The following LARGE1 variants were observed in gnomAD, a reference collection of about 807,000 sequenced individuals.
The protein encoded by LARGE1 is xylosyl- and glucuronyltransferase LARGE1.
LARGE1 carries 43 observed loss-of-function variants against 87.6 expected under a neutral mutation model. The observed-to-expected ratio is 0.49, with a 90% CI of 0.38 to 0.63. The LOEUF (loss-of-function observed/expected upper bound fraction) is 0.63, where lower values mean the gene tolerates loss of function less well. Among genes scored for constraint, LARGE1 ranks in the 30% least tolerant of loss-of-function variants. LARGE1 has a pLI of 0.00. For missense variants in LARGE1, 802 were observed against 1,000.2 expected, an observed-to-expected ratio of 0.80 and a Z score of 2.67; for synonymous variants, 434 against 394.6, an observed-to-expected ratio of 1.10 and a Z score of -1.18.
At position 33,590,666 on chromosome 22, in the gene LARGE1, C is replaced by T. The variant is rs2078810310; in HGVS notation, c.615+13769G>A. On this transcript the variant is annotated intron_variant, in intron 5 of 14. Coordinates refer to ENST00000397394, the MANE Select transcript of LARGE1 (RefSeq NM_133642.5). Reference sequence around the variant, plus strand: ...GCAGTCTTTCGGTCTGGCTTTCTTTCACTTAACATCAAACCTTCTCACTGG... The same window carrying T: ...GCAGTCTTTCGGTCTGGCTTTCTTTTACTTAACATCAAACCTTCTCACTGG... 2.6e-5 allele frequency among the ~76,000 whole-genome samples: 4 copies of T among 152,170 alleles called. 1 individual carries two copies. The highest frequency in any genetic ancestry group is 1.3e-4 in the Admixed American group (2 of 15,286).
intron 1 of LARGE1, among the ~76,000 whole-genome samples, chr22:33,844,649 G>A (rs73406626): frequency 0.044 from 6,693 of 151,988 alleles, 493 homozygotes; most frequent in African/African-American, 0.15. Flanking sequence ...CCTACCGTGC[G>A]AACTTGGGTA....
chr22:33,303,264 CAGA>C (rs1301778724), intron 12 of LARGE1, among the ~76,000 whole-genome samples: 1 of 152,222 alleles, frequency 6.6e-6, no homozygotes, highest in African/African-American at 2.4e-5. Flanking sequence ...TGGAGATTCA[CAGA>C]AGCAGTTGTC....
intron 1 of LARGE1, among the ~76,000 whole-genome samples, chr22:33,827,499 T>C (rs188425524): frequency 8.5e-5 from 13 of 152,166 alleles, no homozygotes; most frequent in African/African-American, 2.9e-4. Flanking sequence ...CAAAGGGATA[T>C]AATGTACATT....
At chr22:33,861,246 C>T (rs1219280280) in intron 1 of LARGE1, among the ~76,000 whole-genome samples, 1 of 152,116 alleles carries the variant, frequency 6.6e-6, no homozygotes, top group Non-Finnish European at 1.5e-5. Flanking sequence ...ACAGCTAACT[C>T]GTTTTTCTCT....
intron 11 of LARGE1, among the ~76,000 whole-genome samples, chr22:33,197,973 A>C (rs1924165208): frequency 6.6e-6 from 1 of 152,218 alleles, no homozygotes; most frequent in Non-Finnish European, 1.5e-5. Flanking sequence ...AAATGTGGTC[A>C]AATGATCTTC....
chr22:33,406,913 C>T (rs2066122167), intron 7 of LARGE1, among the ~76,000 whole-genome samples: 1 of 152,144 alleles, frequency 6.6e-6, no homozygotes, highest in Non-Finnish European at 1.5e-5. Context: ...CTGCTTCAGC[C>T]TCCCAAGGAG....
At chr22:33,421,126 T>C (rs1014209900) in intron 7 of LARGE1, among the ~76,000 whole-genome samples, 1 of 151,908 alleles carries the variant, frequency 6.6e-6, no homozygotes, top group African/African-American at 2.4e-5. Flanking sequence ...GAGGTGGAGG[T>C]TGCAGTGAGC....
the LARGE1 span, among the ~76,000 whole-genome samples, chr22:33,144,031 G>A: frequency 3.9e-5 from 6 of 152,090 alleles, no homozygotes; most frequent in African/African-American, 1.4e-4. Context: ...CTATCCGTAT[G>A]TTTACTCTTT....
chr22:33,320,630 G>T lies in LARGE1; in HGVS notation c.1288-4382C>A, dbSNP rs145042735. Among the ~76,000 whole-genome samples, 31 of 152,252 alleles carry T rather than the reference G, an allele frequency of 2.0e-4. No homozygotes were observed. In the East Asian group the frequency reaches 4.6e-3, roughly 23 times the overall value. ...AATATTTGCTGTATACAAAAAACCT[G>T]TAATCACTGTGAAGTTAAGACTATC... On this transcript the variant is annotated intron_variant, in intron 10 of 14. Transcript: ENST00000397394.
chr22:33,535,146 T>A (rs2077005369), intron 6 of LARGE1, among the ~76,000 whole-genome samples: 1 of 152,194 alleles, frequency 6.6e-6, no homozygotes, highest in Non-Finnish European at 1.5e-5. Context: ...GCGTACGCCT[T>A]CTGTTCATCT....
intron 6 of LARGE1, among the ~76,000 whole-genome samples, chr22:33,444,922 C>T (rs911776950): frequency 2.0e-5 from 3 of 152,102 alleles, no homozygotes; most frequent in African/African-American, 4.8e-5. Flanking sequence ...CTCCGCCTCC[C>T]AGGTTCAAGC....
At chr22:33,298,056 T>C (rs1244576578) in intron 12 of LARGE1, among the ~76,000 whole-genome samples, 6 of 151,414 alleles carry the variant, frequency 4.0e-5, no homozygotes, top group African/African-American at 9.7e-5. Flanking sequence ...ACCAGTCTCA[T>C]GAATGTGGAA....
At chr22:33,869,458 G>A (rs918297522) in intron 1 of LARGE1, among the ~76,000 whole-genome samples, 8 of 152,114 alleles carry the variant, frequency 5.3e-5, no homozygotes, top group Non-Finnish European at 7.4e-5. Context: ...CTGAAAAATC[G>A]AAGCCTCCTC....
At chr22:33,434,884 C>CATGAAGG in intron 6 of LARGE1, among the ~76,000 whole-genome samples, 1 of 152,172 alleles carries the variant, frequency 6.6e-6, no homozygotes, top group Admixed American at 6.5e-5. Flanking sequence ...AGGTCCATCT[C>CATGAAGG]CAGCATGAAG....
the LARGE1 span, among the ~76,000 whole-genome samples, chr22:33,089,331 TTCTTCTTCTTCTTCTTC>T: frequency 1.5e-4 from 11 of 73,554 alleles, no homozygotes; most frequent in Admixed American, 2.6e-4. Flanking sequence ...TTTCTTCTTC[TTCTTCTTCTTCTTCTTC>T]TTCTTCTTCT....
intron 7 of LARGE1, among the ~76,000 whole-genome samples, chr22:33,426,909 A>C (rs981750686): frequency 2.6e-5 from 4 of 152,236 alleles, no homozygotes; most frequent in African/African-American, 9.6e-5. Context: ...CTTGTGCTTG[A>C]GTCGCCTTTG....
chr22:33,826,929 T>C (rs958676798), intron 1 of LARGE1, among the ~76,000 whole-genome samples: 3 of 152,030 alleles, frequency 2.0e-5, no homozygotes, highest in Non-Finnish European at 2.9e-5. Flanking sequence ...AAGCTGGAAA[T>C]AGCCTTAGAA....
chr22:33,650,242 C>T (rs1362866749), intron 3 of LARGE1, 125 bp downstream of exon 3: 13 of 1,220,498 alleles, frequency 1.1e-5, no homozygotes, highest in Non-Finnish European at 8.4e-6. Context: ...CAGACTTACA[C>T]ACCCGGGCTA....
chr22:33,254,165 T>G (rs1927144302), intron 11 of LARGE1, among the ~76,000 whole-genome samples: 1 of 152,108 alleles, frequency 6.6e-6, no homozygotes, highest in Admixed American at 6.5e-5. Context: ...GTAGGAAAGC[T>G]TATCACGAAA....
Sources: gnomAD v4.1 joint callset for allele counts (sites outside exome capture counted in the v4.1 genomes callset) on GRCh38, gnomAD v4.1.1 for gene constraint, MANE v1.5 for transcripts, NCBI Gene and HGNC (gene_info 2026-07-23, HGNC 2026-07-21) for gene names.